The following FOXN3 variants were observed in gnomAD, a reference collection of about 807,000 sequenced individuals.
FOXN3 encodes forkhead box protein N3.
A neutral mutation model predicts 38.4 loss-of-function variants in FOXN3; 7 were observed. The ratio of observed to expected loss-of-function variants is 0.18; its 90% CI spans 0.10 to 0.34. The LOEUF (loss-of-function observed/expected upper bound fraction) is 0.34. Among genes scored for constraint, FOXN3 ranks in the 10% least tolerant of loss-of-function variants. The pLI, the probability that FOXN3 is intolerant of heterozygous loss-of-function variation, is 1.00. For missense variants in FOXN3, 456 were observed against 613.4 expected, an observed-to-expected ratio of 0.74 and a Z score of 2.71; for synonymous variants, 230 against 242.2, an observed-to-expected ratio of 0.95 and a Z score of 0.47.
intron 2 of FOXN3, among the ~76,000 whole-genome samples, chr14:89,385,601 A>C (rs1180203129): frequency 6.6e-6 from 1 of 151,670 alleles, no homozygotes; most frequent in Non-Finnish European, 1.5e-5. Context: ...TGAGGTCGGG[A>C]GTTCAAGGCC....
intron 1 of FOXN3, among the ~76,000 whole-genome samples, chr14:89,505,735 C>T (rs1893907439): frequency 6.6e-6 from 1 of 151,694 alleles, no homozygotes; most frequent in South Asian, 2.1e-4. Context: ...CCTGGCCGCC[C>T]ATCGTCTGGG....
At chr14:89,325,214 G>GCACCACCACCACCACCACCAC (rs756831446) in intron 3 of FOXN3, among the ~76,000 whole-genome samples, 5 of 140,130 alleles carry the variant, frequency 3.6e-5, no homozygotes, top group Non-Finnish European at 7.7e-5. Context: ...CAACACACAT[G>GCACCACCACCACCACCACCAC]CACCACCACC....
intron 3 of FOXN3, among the ~76,000 whole-genome samples, chr14:89,331,908 T>C (rs1047092709): frequency 1.3e-5 from 2 of 152,224 alleles, no homozygotes; most frequent in African/African-American, 2.4e-5. Flanking sequence ...TGTTCCCAAA[T>C]TGGTGTTCCT....
At chr14:89,344,012 T>C (rs1888695987) in intron 3 of FOXN3, among the ~76,000 whole-genome samples, 1 of 152,202 alleles carries the variant, frequency 6.6e-6, no homozygotes, top group Admixed American at 6.5e-5. Context: ...TCCACCCACC[T>C]TGGCCTCCCA....
Position 89,389,380 on chromosome 14 carries a change from C to T in FOXN3, c.543+22554G>A, listed in dbSNP as rs567945772. Among the ~76,000 whole-genome samples the T allele has an allele frequency of 1.5e-4, 23 of 152,264 alleles. No individual in the cohort carries two copies. In the South Asian group the frequency reaches 4.6e-3, roughly 30 times the overall value. ...GACTCAAGCATCCACAATTACTTCA[C>T]AGCATTTCATGAACACCCTTTCATT... On this transcript the variant is annotated intron_variant, in intron 2 of 5. Transcript: ENST00000557258.
At chr14:89,511,544 C>T (rs1486970193) in intron 1 of FOXN3, among the ~76,000 whole-genome samples, 1 of 151,868 alleles carries the variant, frequency 6.6e-6, no homozygotes, top group African/African-American at 2.4e-5. Flanking sequence ...TCCAGCCGAC[C>T]TGCCTGGTTT....
At chr14:89,384,717 A>T (rs1157200559) in intron 2 of FOXN3, among the ~76,000 whole-genome samples, 1 of 152,162 alleles carries the variant, frequency 6.6e-6, no homozygotes, top group Non-Finnish European at 1.5e-5. Flanking sequence ...GGTTCCACTG[A>T]GAAGAGGGAC....
At chr14:89,534,986 G>C (rs562494095) in intron 1 of FOXN3, among the ~76,000 whole-genome samples, 2 of 152,226 alleles carry the variant, frequency 1.3e-5, no homozygotes, top group Middle Eastern at 3.4e-3. Flanking sequence ...TTTGTGCAAG[G>C]CTCTTCCATT....
chr14:89,516,372 A>G (rs1566683178), intron 1 of FOXN3, among the ~76,000 whole-genome samples: 1 of 152,124 alleles, frequency 6.6e-6, no homozygotes, highest in South Asian at 2.1e-4. Context: ...AAGTAAGTAA[A>G]CCACCGAAAT....
intron 1 of FOXN3, among the ~76,000 whole-genome samples, chr14:89,526,749 T>C (rs1894440191): frequency 6.6e-6 from 1 of 152,124 alleles, no homozygotes; most frequent in Non-Finnish European, 1.5e-5. Flanking sequence ...CCAAGCTGAC[T>C]GACAATTCAT....
intron 1 of FOXN3, among the ~76,000 whole-genome samples, chr14:89,516,799 G>A (rs1428860996): frequency 1.3e-5 from 2 of 152,088 alleles, no homozygotes; most frequent in Admixed American, 1.3e-4. Flanking sequence ...CCGAGCTCAA[G>A]CGATCTGTCC....
intron 1 of FOXN3, among the ~76,000 whole-genome samples, chr14:89,600,551 A>C (rs1344684184): frequency 2.6e-5 from 4 of 152,214 alleles, no homozygotes; most frequent in African/African-American, 9.6e-5. Context: ...TGCCTAAACA[A>C]AAATAAATTA....
chr14:89,505,245 C>CCCCTCTCCCTCT (rs1178955185), intron 1 of FOXN3, among the ~76,000 whole-genome samples: 19 of 148,056 alleles, frequency 1.3e-4, no homozygotes, highest in African/African-American at 5.0e-4. Flanking sequence ...GAAACACTGT[C>CCCCTCTCCCTCT]CCCTCTCCCT....
At chr14:89,525,632 A>G (rs1239315096) in intron 1 of FOXN3, among the ~76,000 whole-genome samples, 2 of 35,376 alleles carry the variant, frequency 5.7e-5, no homozygotes, top group Non-Finnish European at 1.2e-4. Context: ...TGTTTTCACT[A>G]AAAAAAAAAA....
At chr14:89,476,850 TAAG>T (rs759207779) in intron 1 of FOXN3, among the ~76,000 whole-genome samples, 6 of 152,046 alleles carry the variant, frequency 3.9e-5, no homozygotes, top group Non-Finnish European at 5.9e-5. Flanking sequence ...TTCTTTTTCA[TAAG>T]AAGGATAAGC....
At position 89,199,000 on chromosome 14, in the gene FOXN3, G is replaced by GT. The variant is rs1311841622; in HGVS notation, c.746-18195dup. Among the ~76,000 whole-genome samples, 5 of 152,308 alleles carry GT rather than the reference G, an allele frequency of 3.3e-5. No individual in the cohort carries two copies. The East Asian group carries it at 9.6e-4, about 29-fold the overall frequency. On this transcript the variant is annotated intron_variant, in intron 4 of 5. Coordinates refer to ENST00000557258, the MANE Select transcript of FOXN3 (RefSeq NM_005197.4). ...CATTTGTTGCTTTGAAATCACTGAAGTAAGTAAGAGCCATACCCTTTGGCT... is the reference window on the plus strand; with the variant it reads ...CATTTGTTGCTTTGAAATCACTGAAGTTAAGTAAGAGCCATACCCTTTGGCT...
At chr14:89,368,330 CAAA>C (rs35347785) in intron 2 of FOXN3, among the ~76,000 whole-genome samples, 18 of 136,722 alleles carry the variant, frequency 1.3e-4, no homozygotes, top group Non-Finnish European at 1.7e-4. Flanking sequence ...AACTCTGTCT[CAAA>C]AAAAAAAAAA....
intron 1 of FOXN3, among the ~76,000 whole-genome samples, chr14:89,606,809 C>T (rs1896285134): frequency 6.6e-6 from 1 of 152,010 alleles, no homozygotes; most frequent in Non-Finnish European, 1.5e-5. Context: ...GATTGCACCA[C>T]TGCACTCCAG....
upstream of FOXN3, chr14:89,419,432 G>C (rs1891845914): frequency 3.1e-6 from 1 of 321,688 alleles, no homozygotes; most frequent in African/African-American, 2.2e-5. Flanking sequence ...TTTCAGAAAG[G>C]ACCCTTGCGT....
Sources: gnomAD v4.1 joint callset for allele counts (sites outside exome capture counted in the v4.1 genomes callset) on GRCh38, gnomAD v4.1.1 for gene constraint, MANE v1.5 for transcripts, NCBI Gene and HGNC (gene_info 2026-07-23, HGNC 2026-07-21) for gene names.